The following CAND2 variants were observed in gnomAD, a reference collection of about 807,000 sequenced individuals.
CAND2 encodes the protein cullin associated and neddylation dissociated 2 (putative), also known as cullin-associated NEDD8-dissociated protein 2.
Under a neutral mutation model 98.9 loss-of-function variants are expected in CAND2, and 62 were observed. The ratio of observed to expected loss-of-function variants is 0.63; its 90% CI spans 0.51 to 0.77. The LOEUF is 0.77. Among genes scored for constraint, CAND2 ranks in the 30% least tolerant of loss-of-function variants. The pLI is 0.00. For synonymous variants in CAND2, 770 were observed against 731.9 expected, an observed-to-expected ratio of 1.05 and a Z score of -0.84; for missense variants, 1,501 against 1,655.2, an observed-to-expected ratio of 0.91 and a Z score of 1.62.
At chr3:12,807,601 C>CTAGTA in intron 3 of CAND2, 141 bp downstream of exon 3, 2 of 783,192 alleles carry the variant, frequency 2.6e-6, no homozygotes, top group Non-Finnish European at 4.0e-6. Context: ...GTAAGCAGGG[C>CTAGTA]AGAGAATTCA....
Position 12,827,106 on chromosome 3 carries a change from T to C in CAND2, c.3211-334T>C, listed in dbSNP as rs139042096. 3.9e-4 allele frequency among the ~76,000 whole-genome samples: 60 copies of C among 152,324 alleles called. 1 individual carries two copies. Among genetic ancestry groups the C allele is most frequent in the East Asian group, 3.3e-3 (17 of 5,176 alleles). On this transcript the variant is annotated intron_variant, in intron 12 of 14. Coordinates refer to ENST00000456430, the MANE Select transcript of CAND2 (RefSeq NM_001162499.2). The stretch of plus-strand genomic sequence containing the variant: ...TTGGCCTCCCAAAGTGCTGGGATTA[T>C]AGGCGTGAACCACTGTGCCTGGCCA...
intron 3 of CAND2, among the ~76,000 whole-genome samples, 173 bp downstream of exon 3, chr3:12,807,633 A>G (rs976525104): frequency 5.3e-5 from 8 of 152,162 alleles, no homozygotes; most frequent in African/African-American, 1.9e-4. Flanking sequence ...GTTTAAGTTC[A>G]TGGTTCTGTG....
At chr3:12,828,962 A>T (rs967348854) in intron 13 of CAND2, among the ~76,000 whole-genome samples, 1 of 152,092 alleles carries the variant, frequency 6.6e-6, no homozygotes. Context: ...CGCTGGACAA[A>T]TATTTGGGTG....
At chr3:12,799,921 G>A (rs1195794078) in intron 1 of CAND2, among the ~76,000 whole-genome samples, 1 of 150,372 alleles carries the variant, frequency 6.7e-6, no homozygotes, top group East Asian at 1.9e-4. Context: ...AATAGGAGGA[G>A]CTCAACAGAT....
At chr3:12,805,734 T>C (rs2061801835) in intron 2 of CAND2, among the ~76,000 whole-genome samples, 2 of 152,274 alleles carry the variant, frequency 1.3e-5, no homozygotes, top group South Asian at 4.1e-4. Flanking sequence ...TTTGTGTCTA[T>C]GTATAAAATG....
intron 4 of CAND2, chr3:12,809,768 A>C (rs1324000651): frequency 2.9e-6 from 1 of 339,136 alleles, no homozygotes; most frequent in Non-Finnish European, 5.3e-6. Flanking sequence ...CTTCCAAGAA[A>C]TAGGGACAGC....
rs140700031 is a variant in CAND2 at position 12,831,391 on chromosome 3, G to C, written c.3376-74G>C. The C allele has an allele frequency of 4.0e-3, 4,874 of 1,224,042 alleles. 18 individuals are homozygous for C. Among genetic ancestry groups the C allele is most frequent in the Middle Eastern group, 0.012 (63 of 5,328 alleles). The allele number at this position is 1,224,042 out of a possible 1,614,324, so 75.8% of individuals were successfully genotyped here. ...TTCAGGTTTCAGTTGTGGGGCCTCTGCTCTTTCCCAGGGCTGGCTGCTGCT... is the reference window on the plus strand; with the variant it reads ...TTCAGGTTTCAGTTGTGGGGCCTCTCCTCTTTCCCAGGGCTGGCTGCTGCT... On this transcript the variant is annotated intron_variant, in intron 13 of 14. Transcript: ENST00000456430.
intron 11 of CAND2, among the ~76,000 whole-genome samples, chr3:12,821,854 A>G (rs570873165): frequency 6.6e-6 from 1 of 152,228 alleles, no homozygotes; most frequent in South Asian, 2.1e-4. Flanking sequence ...CTGGCTGGCG[A>G]TGGTAACTTT....
intron 5 of CAND2, 68 bp downstream of exon 5, chr3:12,810,392 G>C: frequency 4.7e-6 from 6 of 1,264,586 alleles, no homozygotes; most frequent in Non-Finnish European, 6.1e-6. Flanking sequence ...CAATGACTCG[G>C]TAAAGGGGCG....
chr3:12,821,090 C>T (rs557925643), intron 11 of CAND2, among the ~76,000 whole-genome samples: 45 of 152,036 alleles, frequency 3.0e-4, no homozygotes, highest in Non-Finnish European at 5.6e-4. Flanking sequence ...AAAAATGAGC[C>T]GGGTATGATG....
rs928949399 is a variant in CAND2, at chr3:12,815,802, G to T, written c.1300-65G>T. The T allele has an allele frequency of 1.6e-5, 24 of 1,509,604 alleles. No individual in the cohort carries two copies. In the African/African-American group the frequency reaches 2.8e-4, roughly 17 times the overall value. The allele number at this position is 1,509,604 out of a possible 1,614,324, so 93.5% of individuals were successfully genotyped here. On this transcript the variant is annotated intron_variant, in intron 8 of 14. Transcript: ENST00000456430. This position sits in a 1 kb window ranked among gnomAD's most constrained non-coding sequence, Gnocchi z 5.7. ...GGGATGTGTCTGGCAAAGCCTCCTGGTAGTGGGCAGGTGGGTAGGTTTCTT... is the reference window on the plus strand; with the variant it reads ...GGGATGTGTCTGGCAAAGCCTCCTGTTAGTGGGCAGGTGGGTAGGTTTCTT...
intron 10 of CAND2, among the ~76,000 whole-genome samples, chr3:12,819,106 C>T (rs2061933740): frequency 6.6e-6 from 1 of 152,180 alleles, no homozygotes; most frequent in Non-Finnish European, 1.5e-5. Flanking sequence ...TTCTCACCTC[C>T]CTGCCTTCAG....
intron 7 of CAND2, among the ~76,000 whole-genome samples, chr3:12,814,720 C>T (rs1284097415): frequency 6.6e-6 from 1 of 152,132 alleles, no homozygotes; most frequent in East Asian, 1.9e-4. Context: ...ATTGATTCTC[C>T]AAGTCTACAT....
chr3:12,818,262 CAA>C (rs11329908), intron 10 of CAND2, among the ~76,000 whole-genome samples: 7 of 147,524 alleles, frequency 4.7e-5, no homozygotes, highest in Non-Finnish European at 6.0e-5. Flanking sequence ...CTGCCTCTAC[CAA>C]AAAAAAAAAC....
chr3:12,805,152 G>C (rs542331670), intron 2 of CAND2, among the ~76,000 whole-genome samples: 10 of 152,244 alleles, frequency 6.6e-5, no homozygotes, highest in African/African-American at 1.7e-4. Flanking sequence ...TGTGATGGTA[G>C]AAGTGATGAA....
chr3:12,804,127 C>A (rs1393749272), intron 2 of CAND2, among the ~76,000 whole-genome samples: 3 of 152,022 alleles, frequency 2.0e-5, no homozygotes, highest in Non-Finnish European at 4.4e-5. Context: ...GATGTAAATG[C>A]TGGGAAGGTC....
At chr3:12,806,567 C>A (rs1363567625) in intron 2 of CAND2, among the ~76,000 whole-genome samples, 1 of 152,156 alleles carries the variant, frequency 6.6e-6, no homozygotes, top group Non-Finnish European at 1.5e-5. Flanking sequence ...CCTCCCCCAA[C>A]CCCCTCCAGG....
Position 12,820,138 on chromosome 3 carries a change from G to A in CAND2, c.2997G>A (p.Ser999=), listed in dbSNP as rs145134860. ...TVITAVKFLI[S]DQPHPIDPLL... is the part of the protein sequence containing the mutation. Reference sequence around the variant, plus strand: ...TCACAGCGGTCAAGTTCCTTATCTCGGACCAGCCCCATCCCATTGACCCCC... The same window carrying A: ...TCACAGCGGTCAAGTTCCTTATCTCAGACCAGCCCCATCCCATTGACCCCC... Residue 999 remains serine (S), a synonymous_variant, in exon 11 of 15, where the codon TCG becomes TCA. Coordinates refer to ENST00000456430, the MANE Select transcript of CAND2 (RefSeq NM_001162499.2). The A allele has an allele frequency of 1.5e-4, 246 of 1,614,112 alleles. No homozygotes were observed. The highest frequency in any genetic ancestry group is 8.3e-4 in the Middle Eastern group (5 of 6,060).
rs1240783315 is a variant in CAND2, at chr3:12,813,235, C to T, written c.864-11C>T. On this transcript the variant is annotated splice_polypyrimidine_tract_variant and intron_variant, in intron 6 of 14. Coordinates refer to ENST00000456430, the MANE Select transcript of CAND2 (RefSeq NM_001162499.2). ...TGGATCCAGCAAAGCATTCCTCATC[C>T]TGCCCCACAGGTGCCCCAAGGAAAT... 1.2e-6 allele frequency: 2 copies of T among 1,612,184 alleles called. No individual in the cohort carries two copies. The highest frequency in any genetic ancestry group is 1.7e-6 in the Non-Finnish European group (2 of 1,179,434).
Sources: gnomAD v4.1 joint callset for allele counts (sites outside exome capture counted in the v4.1 genomes callset) on GRCh38, gnomAD v4.1.1 for gene constraint, Gnocchi (gnomAD v3.1) non-coding constraint, MANE v1.5 for transcripts, NCBI Gene and HGNC (gene_info 2026-07-23, HGNC 2026-07-21) for gene names.